SLC9A9: variants seen among roughly 807,000 people sequenced by gnomAD.
SLC9A9 encodes sodium/hydrogen exchanger 9.
In SLC9A9, 62 loss-of-function variants were observed where a neutral mutation model predicts 77.8. That is an observed-to-expected ratio of 0.80 (90% CI 0.65 to 0.98). The LOEUF is 0.98. Among genes scored for constraint, SLC9A9 ranks in the 50% least tolerant of loss-of-function variants. The pLI is 0.00. For synonymous variants in SLC9A9, 320 were observed against 283.5 expected (o/e 1.13, Z -1.29); for missense variants, 775 against 774.9 (o/e 1.00, Z 0.00).
At chr3:143,519,970 A>G (rs926902778) in intron 9 of SLC9A9, among the ~76,000 whole-genome samples, 2 of 152,218 alleles carry the variant, frequency 1.3e-5, no homozygotes. Flanking sequence ...TTTAAGATGC[A>G]TAATAGATAT....
chr3:143,710,284 A>G (rs1934105900), intron 4 of SLC9A9, among the ~76,000 whole-genome samples: 2 of 152,362 alleles, frequency 1.3e-5, no homozygotes, highest in South Asian at 2.1e-4. Context: ...AGGCAAAAGC[A>G]GCAAGAGGGG....
intron 4 of SLC9A9, among the ~76,000 whole-genome samples, chr3:143,694,159 T>G (rs1035032027): frequency 1.3e-5 from 2 of 152,082 alleles, no homozygotes; most frequent in Admixed American, 6.6e-5. Flanking sequence ...GTTTAAACAC[T>G]CACGTGAACT....
At chr3:143,323,362 T>C (rs146814218) in intron 14 of SLC9A9, among the ~76,000 whole-genome samples, 1 of 152,300 alleles carries the variant, frequency 6.6e-6, no homozygotes, top group African/African-American at 2.4e-5. Flanking sequence ...GTGGTGTATA[T>C]ATACACAATG....
intron 12 of SLC9A9, among the ~76,000 whole-genome samples, chr3:143,454,895 G>T (rs1011410225): frequency 6.6e-6 from 1 of 152,168 alleles, no homozygotes; most frequent in African/African-American, 2.4e-5. Flanking sequence ...CCATGATGGC[G>T]CATCAAATCC....
Position 143,845,011 on chromosome 3 carries a change from C to T in SLC9A9, c.175+3137G>A, listed in dbSNP as rs1403563530. On this transcript the variant is annotated intron_variant, in intron 1 of 15. Transcript: ENST00000316549. ...CTGAAAATTCACTCTTTTAGACCTC[C>T]TGGAAAAGAGAATCTGGCTAATCCT... Among the ~76,000 whole-genome samples the T allele has an allele frequency of 2.6e-5, 4 of 152,004 alleles. No homozygotes were observed. The East Asian group carries it at 7.7e-4, about 29-fold the overall frequency.
intron 6 of SLC9A9, among the ~76,000 whole-genome samples, chr3:143,598,989 T>C (rs1428228187): frequency 1.3e-5 from 2 of 152,236 alleles, no homozygotes; most frequent in South Asian, 2.1e-4. Context: ...CTGAAAATTA[T>C]GTAAGTAGAA....
At chr3:143,422,055 G>C (rs958692759) in intron 12 of SLC9A9, among the ~76,000 whole-genome samples, 1 of 152,156 alleles carries the variant, frequency 6.6e-6, no homozygotes, top group Admixed American at 6.5e-5. Context: ...ATGCCAGTCA[G>C]AATGGCTATG....
rs142590300 is a variant in SLC9A9, at chr3:143,401,844, C to G, written c.1470-19730G>C. On this transcript the variant is annotated intron_variant, in intron 12 of 15. Transcript: ENST00000316549. ...TCCTGAACAGAATCCACTTATGATG[C>G]CTTAAATCAAAATATGCTTTATTAA... Among the ~76,000 whole-genome samples the G allele has an allele frequency of 9.2e-5, 14 of 152,254 alleles. No individual in the cohort carries two copies. The East Asian group carries it at 2.7e-3, about 29-fold the overall frequency.
chr3:143,406,831 C>T (rs2033991383), intron 12 of SLC9A9, among the ~76,000 whole-genome samples: 1 of 151,854 alleles, frequency 6.6e-6, no homozygotes. Flanking sequence ...CAAAAGTTAG[C>T]CAGGCATGGT....
At chr3:143,410,095 C>G (rs1188328292) in intron 12 of SLC9A9, among the ~76,000 whole-genome samples, 1 of 152,180 alleles carries the variant, frequency 6.6e-6, no homozygotes, top group Non-Finnish European at 1.5e-5. Context: ...CCCTTAACTC[C>G]CTGTCCCAAT....
chr3:143,495,249 C>T (rs1187221224), intron 10 of SLC9A9, 86 bp downstream of exon 10: 24 of 1,188,744 alleles, frequency 2.0e-5, no homozygotes, highest in Non-Finnish European at 2.9e-5. Context: ...TAGGAAAGTG[C>T]TTTAATGATT....
At chr3:143,844,406 C>A (rs950634438) in intron 1 of SLC9A9, among the ~76,000 whole-genome samples, 1 of 152,038 alleles carries the variant, frequency 6.6e-6, no homozygotes, top group Admixed American at 6.6e-5. Flanking sequence ...GGAATACTGG[C>A]AGAAAAGCAG....
At chr3:143,350,497 C>G (rs2032418104) in intron 14 of SLC9A9, among the ~76,000 whole-genome samples, 1 of 152,158 alleles carries the variant, frequency 6.6e-6, no homozygotes, top group South Asian at 2.1e-4. Context: ...CCCTGGCCAA[C>G]CTTATATGTG....
intron 6 of SLC9A9, among the ~76,000 whole-genome samples, chr3:143,612,669 T>A (rs1576610138): frequency 6.6e-6 from 1 of 152,226 alleles, no homozygotes; most frequent in East Asian, 1.9e-4. Context: ...GCAACTAGTC[T>A]GAGCCGATTT....
At chr3:143,370,567 GCACACACACACA>G (rs57705324) in intron 13 of SLC9A9, among the ~76,000 whole-genome samples, 3 of 143,304 alleles carry the variant, frequency 2.1e-5, no homozygotes, top group Admixed American at 7.0e-5. Context: ...GCATGTGCGC[GCACACACACACA>G]CACACACACA....
intron 11 of SLC9A9, among the ~76,000 whole-genome samples, chr3:143,474,961 T>C (rs1444747207): frequency 5.7e-3 from 5 of 876 alleles, no homozygotes; most frequent in Admixed American, 0.029. Context: ...TCACCCAGGT[T>C]TTTTTTTTTT....
At chr3:143,640,375 G>A (rs1050252945) in intron 6 of SLC9A9, among the ~76,000 whole-genome samples, 4 of 152,080 alleles carry the variant, frequency 2.6e-5, no homozygotes, top group East Asian at 1.9e-4. Context: ...TGCCTCATGT[G>A]TACTGTATTT....
At chr3:143,642,611 A>G (rs1335691051) in intron 6 of SLC9A9, among the ~76,000 whole-genome samples, 2 of 152,244 alleles carry the variant, frequency 1.3e-5, no homozygotes, top group African/African-American at 4.8e-5. Flanking sequence ...TTGGAAAATT[A>G]TCAACCATTA....
chr3:143,824,451 G>A (rs1377160683), intron 2 of SLC9A9, among the ~76,000 whole-genome samples: 1 of 152,160 alleles, frequency 6.6e-6, no homozygotes, highest in South Asian at 2.1e-4. Flanking sequence ...ATTCACCTCA[G>A]TGAGGCCTTC....
Sources: allele counts gnomAD v4.1 joint callset (sites outside exome capture counted in the v4.1 genomes callset), GRCh38; gene constraint gnomAD v4.1.1; transcripts MANE v1.5; gene names NCBI Gene and HGNC (gene_info 2026-07-23, HGNC 2026-07-21).